ALDH1A1: variants seen among roughly 807,000 people sequenced by gnomAD.
ALDH1A1 encodes aldehyde dehydrogenase 1 family member A1, also known as aldehyde dehydrogenase 1A1.
ALDH1A1 carries 19 observed loss-of-function variants against 62.1 expected under a neutral mutation model. The observed-to-expected ratio is 0.31, with a 90% confidence interval of 0.21 to 0.45. The LOEUF (loss-of-function observed/expected upper bound fraction) is 0.45. ALDH1A1 is among the 20% of genes least tolerant of loss of function. The pLI is 1.00. For synonymous variants in ALDH1A1, 231 were observed against 215.9 expected, an observed-to-expected ratio of 1.07 and a Z score of -0.61; for missense variants, 521 against 607.1, an observed-to-expected ratio of 0.86 and a Z score of 1.49.
At position 72,925,564 on chromosome 9, in the gene ALDH1A1, T is replaced by C; in HGVS notation, c.553A>G (p.Ser185Gly). Residue 185 changes from serine to glycine, a missense_variant, in exon 6 of 13, where the codon AGC becomes GGC. Coordinates refer to ENST00000297785, the MANE Select transcript of ALDH1A1 (RefSeq NM_000689.5). Reference sequence around the variant, plus strand: ...TTGACAACCACTGTGTTTCCACAGCTCAGTGCAGGCCCTATCTTCCAAATG... The same window carrying C: ...TTGACAACCACTGTGTTTCCACAGCCCAGTGCAGGCCCTATCTTCCAAATG... ...MLIWKIGPAL[S>G]CGNTVVVKPA... The C allele has an allele frequency of 1.2e-6, 2 of 1,613,990 alleles. No homozygotes were observed. The highest frequency in any genetic ancestry group is 1.7e-6 in the Non-Finnish European group (2 of 1,179,886).
At chr9:72,903,624 C>T (rs945070626) in intron 12 of ALDH1A1, among the ~76,000 whole-genome samples, 2 of 150,850 alleles carry the variant, frequency 1.3e-5, no homozygotes, top group African/African-American at 4.9e-5. Context: ...AAAAAAAAAC[C>T]CACAACTTTT....
intron 10 of ALDH1A1, among the ~76,000 whole-genome samples, chr9:72,911,023 G>A (rs8187976): frequency 0.071 from 10,855 of 151,828 alleles, 511 homozygotes; most frequent in African/African-American, 0.12. Flanking sequence ...TTTTTTCCAC[G>A]TCTTATCTGG....
rs1002192324 is a variant in ALDH1A1, at chr9:72,909,845, T to C, written c.1201-86A>G. The stretch of plus-strand genomic sequence containing the variant: ...ATCGTAGATTTTTTTTCCTACACGC[T>C]ATCCTAAATTGATTAAGATTTTGCT... On this transcript the variant is annotated intron_variant, in intron 10 of 12. Coordinates refer to ENST00000297785, the MANE Select transcript of ALDH1A1 (RefSeq NM_000689.5). 9 of 1,133,180 alleles carry C rather than the reference T, an allele frequency of 7.9e-6. No homozygotes were observed. The African/African-American group carries it at 1.4e-4, about 18-fold the overall frequency. The allele number at this position is 1,133,180 out of a possible 1,614,324, so 70.2% of individuals were successfully genotyped here. A position where few individuals can be genotyped will look rare whatever the true frequency, so the allele number is the denominator to read the frequency against.
intron 6 of ALDH1A1, 141 bp from the exon 7 acceptor site, chr9:72,924,273 T>C (rs1178076338): frequency 6.9e-6 from 4 of 579,792 alleles, no homozygotes; most frequent in Admixed American, 3.4e-5. Context: ...CTCTATTCTT[T>C]AGTCTTATTA....
Position 72,953,014 on chromosome 9 carries a change from C to T in ALDH1A1, c.-14G>A. The T allele has an allele frequency of 1.2e-6, 2 of 1,612,846 alleles. No individual in the cohort carries two copies. The highest frequency in any genetic ancestry group is 1.7e-6 in the Non-Finnish European group (2 of 1,179,256). The stretch of plus-strand genomic sequence containing the variant: ...TGAGGATGACATTTCTGATTCGGCT[C>T]CTGGAACACAGGTGACTGGCTCAGC... On this transcript the variant is annotated 5_prime_UTR_variant, in exon 1 of 13. Coordinates refer to ENST00000297785, the MANE Select transcript of ALDH1A1 (RefSeq NM_000689.5).
intron 7 of ALDH1A1, among the ~76,000 whole-genome samples, chr9:72,923,008 T>C (rs1051594760): frequency 7.9e-5 from 12 of 152,258 alleles, no homozygotes; most frequent in Non-Finnish European, 1.8e-4. Context: ...TTTGCCTTTA[T>C]TCTGGAGTAA....
At chr9:72,920,448 C>T (rs1830126095) in intron 7 of ALDH1A1, among the ~76,000 whole-genome samples, 1 of 152,116 alleles carries the variant, frequency 6.6e-6, no homozygotes, top group Admixed American at 6.5e-5. Flanking sequence ...ACTTACCTGT[C>T]ACCCTTTGAT....
chr9:72,942,471 A>G (rs1830426407), intron 1 of ALDH1A1: 1 of 733,162 alleles, frequency 1.4e-6, no homozygotes, highest in South Asian at 6.1e-5. Flanking sequence ...ATACAAGTAT[A>G]AAAAAGCTTT....
chr9:72,909,304 G>A (rs1188609408), intron 11 of ALDH1A1, among the ~76,000 whole-genome samples: 1 of 151,634 alleles, frequency 6.6e-6, no homozygotes, highest in African/African-American at 2.4e-5. Context: ...GGGATTACAG[G>A]CATCACACCC....
At chr9:72,941,980 A>C (rs1588144486) in intron 1 of ALDH1A1, among the ~76,000 whole-genome samples, 1 of 152,188 alleles carries the variant, frequency 6.6e-6, no homozygotes, top group Non-Finnish European at 1.5e-5. Context: ...ATATGGGGAA[A>C]TGAGAAAGAT....
chr9:72,908,601 AAGAAAGAAAGAAAG>A (rs1829932107), intron 11 of ALDH1A1, among the ~76,000 whole-genome samples: 1 of 144,594 alleles, frequency 6.9e-6, no homozygotes. Context: ...GAAAGAAAGA[AAGAAAGAAAGAAAG>A]AAAGAAAGAA....
intron 9 of ALDH1A1, among the ~76,000 whole-genome samples, chr9:72,915,334 A>G (rs543410287): frequency 3.9e-5 from 6 of 152,180 alleles, no homozygotes; most frequent in African/African-American, 9.6e-5. Flanking sequence ...CTGCCCAACA[A>G]TTAGGCATTA....
At chr9:72,936,521 C>T (rs971657638) in intron 2 of ALDH1A1, among the ~76,000 whole-genome samples, 2 of 152,148 alleles carry the variant, frequency 1.3e-5, no homozygotes, top group Non-Finnish European at 2.9e-5. Flanking sequence ...TTCTCACCTT[C>T]CCAGGCCTGC....
Position 72,928,944 on chromosome 9 carries a change from C to T in ALDH1A1, c.390G>A (p.Leu130=). The part of the protein sequence containing the change: ...LNDLAGCIKT[L]RYCAGWADKI... ...TGTCAGCCCAACCTGCACAGTAGCG[C>T]AATGTTTTGATGCAGCCTGCTAAAT... The change falls in exon 4 of 13, where the codon TTG becomes TTA. Residue 130 remains leucine (L), a synonymous_variant. Transcript: ENST00000297785. The T allele has an allele frequency of 1.2e-6, 2 of 1,613,938 alleles. No individual in the cohort carries two copies. The highest frequency in any genetic ancestry group is 1.7e-6 in the Non-Finnish European group (2 of 1,179,918).
chr9:72,908,191 G>A (rs373341386), intron 11 of ALDH1A1, among the ~76,000 whole-genome samples: 11 of 151,834 alleles, frequency 7.2e-5, no homozygotes, highest in African/African-American at 9.7e-5. Flanking sequence ...AGGCCAAGGC[G>A]GATGGATCAC....
chr9:72,917,410 T>C (rs1226154157), intron 8 of ALDH1A1, among the ~76,000 whole-genome samples: 1 of 152,108 alleles, frequency 6.6e-6, no homozygotes. Flanking sequence ...TTTATATAAA[T>C]ATCTCCAATT....
chr9:72,933,872 AG>A (rs1279114622), intron 2 of ALDH1A1, among the ~76,000 whole-genome samples: 1 of 152,208 alleles, frequency 6.6e-6, no homozygotes, highest in East Asian at 1.9e-4. Context: ...GGCTCACCAA[AG>A]CCTAGACCTC....
intron 2 of ALDH1A1, among the ~76,000 whole-genome samples, chr9:72,933,464 G>A (rs1729174425): frequency 6.6e-6 from 1 of 151,912 alleles, no homozygotes; most frequent in Non-Finnish European, 1.5e-5. Flanking sequence ...GCGTGTGCCT[G>A]TAGTCCCAGC....
chr9:72,940,051 G>T, intron 2 of ALDH1A1, 97 bp downstream of exon 2: 5 of 795,710 alleles, frequency 6.3e-6, no homozygotes, highest in South Asian at 1.7e-5. Context: ...ATATTTTCAT[G>T]GCATGTCTTT....
Sources: gnomAD v4.1 joint callset for allele counts (sites outside exome capture counted in the v4.1 genomes callset) on GRCh38, gnomAD v4.1.1 for gene constraint, MANE v1.5 for transcripts, NCBI Gene and HGNC (gene_info 2026-07-23, HGNC 2026-07-21) for gene names.